Variants in FAF1 observed in about 807,000 individuals in gnomAD.
FAF1 encodes FAS-associated factor 1.
A neutral mutation model predicts 92.5 loss-of-function variants in FAF1; 25 were observed. That is an observed-to-expected ratio of 0.27 (90% CI 0.20 to 0.38). The LOEUF is 0.38. Ranked by LOEUF, FAF1 falls within the 10% of genes least tolerant of loss-of-function variation. FAF1 has a pLI of 1.00. For missense variants in FAF1, 636 were observed against 793.3 expected (o/e 0.80, Z 2.38); for synonymous variants, 234 against 273.2 (o/e 0.86, Z 1.42).
intron 1 of FAF1, among the ~76,000 whole-genome samples, chr1:50,860,901 C>G (rs2124669421): frequency 6.6e-6 from 1 of 151,994 alleles, no homozygotes; most frequent in African/African-American, 2.4e-5. Context: ...ACTATGCAGC[C>G]ATCAAGAGAA....
chr1:50,952,752 C>T (rs559309662), intron 1 of FAF1, among the ~76,000 whole-genome samples: 274 of 151,556 alleles, frequency 1.8e-3, no homozygotes, highest in Non-Finnish European at 2.9e-3. Flanking sequence ...CGTCTCTGCC[C>T]GACCGCCACC....
At chr1:50,677,895 CAAAAA>C (rs1036524797) in intron 7 of FAF1, among the ~76,000 whole-genome samples, 3 of 62,542 alleles carry the variant, frequency 4.8e-5, no homozygotes, top group Admixed American at 1.9e-4. Context: ...AACTCTGCCT[CAAAAA>C]AAAAAAAAAA....
chr1:50,840,897 T>G (rs1471867914), intron 2 of FAF1, among the ~76,000 whole-genome samples: 1 of 152,028 alleles, frequency 6.6e-6, no homozygotes, highest in African/African-American at 2.4e-5. Context: ...TATCCTATAA[T>G]GAAATACCAC....
At chr1:50,466,143 T>C (rs1318751340) in intron 18 of FAF1, among the ~76,000 whole-genome samples, 1 of 152,170 alleles carries the variant, frequency 6.6e-6, no homozygotes, top group Non-Finnish European at 1.5e-5. Flanking sequence ...TAAGAGATTA[T>C]AGTGGCTTCG....
chr1:50,645,720 C>T (rs575376863), intron 8 of FAF1, among the ~76,000 whole-genome samples: 7 of 151,952 alleles, frequency 4.6e-5, no homozygotes, highest in Non-Finnish European at 8.8e-5. Flanking sequence ...CTACTCTACT[C>T]GGGAGGCTGA....
chr1:50,936,114 A>AT (rs1170799681), intron 1 of FAF1, among the ~76,000 whole-genome samples: 2 of 152,218 alleles, frequency 1.3e-5, no homozygotes, highest in Non-Finnish European at 2.9e-5. Flanking sequence ...CAAGCTCAAA[A>AT]TTAACTAGTT....
chr1:50,837,927 C>T (rs899665215), intron 2 of FAF1, among the ~76,000 whole-genome samples: 1 of 151,784 alleles, frequency 6.6e-6, no homozygotes, highest in Non-Finnish European at 1.5e-5. Context: ...GTATTTTTAG[C>T]AGAGACGGGG....
At chr1:50,612,114 GCATT>G (rs1236915326) in intron 8 of FAF1, among the ~76,000 whole-genome samples, 1 of 152,114 alleles carries the variant, frequency 6.6e-6, no homozygotes, top group Non-Finnish European at 1.5e-5. Context: ...CAGGAAAAGT[GCATT>G]ATTAGAAATG....
At chr1:50,708,655 T>C (rs1657792185) in intron 6 of FAF1, among the ~76,000 whole-genome samples, 1 of 151,858 alleles carries the variant, frequency 6.6e-6, no homozygotes, top group Non-Finnish European at 1.5e-5. Context: ...GAAAAATAAG[T>C]GACACAGACA....
chr1:50,603,202 C>G (rs1474383846), intron 8 of FAF1, among the ~76,000 whole-genome samples: 1 of 152,166 alleles, frequency 6.6e-6, no homozygotes, highest in Non-Finnish European at 1.5e-5. Context: ...AACAGCTACT[C>G]CTAGATACCA....
intron 1 of FAF1, among the ~76,000 whole-genome samples, chr1:50,928,097 T>C (rs1482177201): frequency 6.6e-6 from 1 of 152,234 alleles, no homozygotes; most frequent in Non-Finnish European, 1.5e-5. Flanking sequence ...ACAGCCAGAC[T>C]GGTTTTCAGG....
intron 2 of FAF1, among the ~76,000 whole-genome samples, chr1:50,813,677 T>C (rs111440287): frequency 0.016 from 2,470 of 152,200 alleles, 74 homozygotes; most frequent in African/African-American, 0.055. Context: ...TGTTGAGGCT[T>C]GTCTCAAATT....
rs148321476 is a variant in FAF1 at position 50,749,576 on chromosome 1, A to G, written c.368-4801T>C. Among the ~76,000 whole-genome samples the G allele has an allele frequency of 2.9e-3, 435 of 152,358 alleles. 1 individual carries two copies. The highest frequency in any genetic ancestry group is 0.01 in the African/African-American group (421 of 41,594). ...CAAGGTAGAAGGACAGCTTGAGCTC[A>G]GAAGTTTGAGACCAACATGAGCAAC... On this transcript the variant is annotated intron_variant, in intron 4 of 18. Transcript: ENST00000396153.
chr1:50,633,994 A>G (rs775313432), intron 8 of FAF1, among the ~76,000 whole-genome samples: 3 of 152,232 alleles, frequency 2.0e-5, no homozygotes, highest in Non-Finnish European at 4.4e-5. Context: ...TGGCTCTGGG[A>G]ACAATCAGTA....
chr1:50,615,044 C>T (rs1288593850), intron 8 of FAF1, among the ~76,000 whole-genome samples: 1 of 152,150 alleles, frequency 6.6e-6, no homozygotes, highest in East Asian at 1.9e-4. Flanking sequence ...ACCCTCCCTC[C>T]CTGCTCTAGT....
In FAF1 at chr1:50,822,774, C is replaced by CTT. The variant is rs772097310; in HGVS notation, c.115-21099_115-21098dup. 5.5e-3 allele frequency among the ~76,000 whole-genome samples: 687 copies of CTT among 125,202 alleles called. 25 individuals are homozygous for CTT. Among genetic ancestry groups the CTT allele is most frequent in the East Asian group, 0.035 (160 of 4,586 alleles). The allele number at this position is 125,202 out of a possible 152,430, so 82.1% of individuals were successfully genotyped here. A position where few individuals can be genotyped will look rare whatever the true frequency, so the allele number is the denominator to read the frequency against. ...TCTTTCTTTCTTTCTTTCTTTCTTT[C>CTT]TTTTTTTTTTTTTTTTTGAGACGCA... On this transcript the variant is annotated intron_variant, in intron 2 of 18. Coordinates refer to ENST00000396153, the MANE Select transcript of FAF1 (RefSeq NM_007051.3).
intron 4 of FAF1, among the ~76,000 whole-genome samples, chr1:50,764,064 G>A (rs1660464975): frequency 6.6e-6 from 1 of 152,144 alleles, no homozygotes. Flanking sequence ...GACAGATATT[G>A]AAGAGTTTGC....
chr1:50,638,139 T>G (rs1654146412), intron 8 of FAF1, among the ~76,000 whole-genome samples: 1 of 152,210 alleles, frequency 6.6e-6, no homozygotes, highest in Non-Finnish European at 1.5e-5. Context: ...ACAATTGATT[T>G]TTGTATATTG....
At chr1:50,922,458 C>CAAAAAAA (rs33971185) in intron 1 of FAF1, among the ~76,000 whole-genome samples, 378 of 36,734 alleles carry the variant, frequency 0.01, 3 homozygotes, top group Admixed American at 0.011. Context: ...GACTCTGCCT[C>CAAAAAAA]AAAAAAAAAA....
Sources: allele counts gnomAD v4.1 joint callset (sites outside exome capture counted in the v4.1 genomes callset), GRCh38; gene constraint gnomAD v4.1.1; transcripts MANE v1.5; gene names NCBI Gene and HGNC (gene_info 2026-07-23, HGNC 2026-07-21).